CTIF: variants seen among roughly 807,000 people sequenced by gnomAD.
The protein encoded by CTIF is cap binding complex dependent translation initiation factor, also known as CBP80/20-dependent translation initiation factor.
A neutral mutation model predicts 66.0 loss-of-function variants in CTIF; 21 were observed. The ratio of observed to expected loss-of-function variants is 0.32; its 90% confidence interval spans 0.23 to 0.46. The LOEUF (loss-of-function observed/expected upper bound fraction) is 0.46, where lower values mean the gene tolerates loss of function less well. Ranked by LOEUF, CTIF falls within the 20% of genes least tolerant of loss-of-function variation. The pLI, the probability that CTIF is intolerant of heterozygous loss-of-function variation, is 1.00. For missense variants in CTIF, 739 were observed against 812.7 expected, an observed-to-expected ratio of 0.91 and a Z score of 1.10; for synonymous variants, 345 against 326.4, an observed-to-expected ratio of 1.06 and a Z score of -0.62.
intron 10 of CTIF, among the ~76,000 whole-genome samples, chr18:48,827,185 C>T (rs1238781516): frequency 1.3e-5 from 2 of 152,184 alleles, no homozygotes; most frequent in Admixed American, 6.5e-5. Flanking sequence ...AGCCAGAAAG[C>T]AACACCATGG....
At chr18:48,613,819 C>T (rs1419030517) in intron 1 of CTIF, among the ~76,000 whole-genome samples, 1 of 152,184 alleles carries the variant, frequency 6.6e-6, no homozygotes, top group Non-Finnish European at 1.5e-5. Context: ...CTGCTGCAGC[C>T]CGGGCCCTCT....
At chr18:48,667,645 C>T (rs892336989) in intron 5 of CTIF, among the ~76,000 whole-genome samples, 4 of 152,214 alleles carry the variant, frequency 2.6e-5, no homozygotes, top group Non-Finnish European at 5.9e-5. Flanking sequence ...CCCCTTATGC[C>T]GAGGGACTTT....
At chr18:48,821,752 G>A (rs2068487533) in intron 10 of CTIF, among the ~76,000 whole-genome samples, 1 of 152,210 alleles carries the variant, frequency 6.6e-6, no homozygotes, top group Admixed American at 6.5e-5. Flanking sequence ...TCCTTGCTCT[G>A]CTATTTACAA....
At chr18:48,845,064 C>T (rs1383856793) in intron 10 of CTIF, among the ~76,000 whole-genome samples, 1 of 151,964 alleles carries the variant, frequency 6.6e-6, no homozygotes, top group Admixed American at 6.6e-5. Flanking sequence ...CAGTGTCTTT[C>T]CCCTAGCATC....
rs1169295756 is a variant in CTIF at position 48,761,634 on chromosome 18, C to T, written c.1316C>T (p.Ala439Val). ...GCTGCCAAGCTCTGCGACAAGATGG[C>T]GCTCTTTATGGTGGAGGGGACCAAG... ...FTAAKLCDKM[A>V]LFMVEGTKFR... The change falls in exon 9 of 12, where the codon GCG becomes GTG. Residue 439 changes from alanine to valine, a missense_variant. Ala to Val is a moderately conservative substitution (Grantham distance 64, BLOSUM62 0). Around this residue, in one of 2 missense-constraint regions of CTIF, gnomAD observed 210 missense variants for 292.3 expected, o/e 0.72. Transcript: ENST00000256413. The surrounding 1 kb of genome is among the most constrained non-coding windows in gnomAD (Gnocchi z 4.2). 28 of 1,613,970 alleles carry T rather than the reference C, an allele frequency of 1.7e-5. No homozygotes were observed. The highest frequency in any genetic ancestry group is 2.2e-5 in the East Asian group (1 of 44,892).
At chr18:48,686,981 T>G (rs928197505) in intron 6 of CTIF, among the ~76,000 whole-genome samples, 1 of 152,184 alleles carries the variant, frequency 6.6e-6, no homozygotes, top group South Asian at 2.1e-4. Context: ...TTTGTATTCA[T>G]GAGAGAGCAG....
At chr18:48,559,363 C>G (rs371454289) in intron 1 of CTIF, among the ~76,000 whole-genome samples, 36 of 152,188 alleles carry the variant, frequency 2.4e-4, no homozygotes, top group African/African-American at 7.7e-4. Context: ...ACCACCCCCC[C>G]CAATCCTAAC....
intron 7 of CTIF, among the ~76,000 whole-genome samples, chr18:48,714,341 C>CA (rs1470228157): frequency 6.6e-6 from 1 of 152,148 alleles, no homozygotes; most frequent in Non-Finnish European, 1.5e-5. Flanking sequence ...ATTTGGTGGA[C>CA]AAAGGGCACA....
At chr18:48,683,385 C>T (rs573843571) in intron 6 of CTIF, among the ~76,000 whole-genome samples, 4 of 149,654 alleles carry the variant, frequency 2.7e-5, no homozygotes, top group East Asian at 2.1e-4. Flanking sequence ...ACTGTCCCTC[C>T]GAGCATCAGT....
intron 9 of CTIF, among the ~76,000 whole-genome samples, chr18:48,788,746 T>C (rs1239098559): frequency 6.6e-6 from 1 of 152,116 alleles, no homozygotes; most frequent in African/African-American, 2.4e-5. Flanking sequence ...ACAGGGAAAC[T>C]CAAGGGTCTC....
chr18:48,804,876 C>T (rs2068113170), intron 9 of CTIF, among the ~76,000 whole-genome samples: 1 of 152,166 alleles, frequency 6.6e-6, no homozygotes, highest in South Asian at 2.1e-4. Flanking sequence ...CCCTCACCGT[C>T]CAGTCCCCAG....
chr18:48,677,124 A>G (rs1023315712), intron 6 of CTIF, among the ~76,000 whole-genome samples: 1 of 152,126 alleles, frequency 6.6e-6, no homozygotes, highest in South Asian at 2.1e-4. Flanking sequence ...GCTGTTGCCA[A>G]GTCTTCTGGA....
rs148832219 is a variant in CTIF, at chr18:48,729,294, C to T, written c.584+17599C>T. Among the ~76,000 whole-genome samples, 864 of 152,310 alleles carry T rather than the reference C, an allele frequency of 5.7e-3. 5 individuals carry two copies. The highest frequency in any genetic ancestry group is 9.2e-3 in the Non-Finnish European group (626 of 68,030). ...CCCCCCACCACCACTACCACACACA[C>T]AGACACACACTCACACATGTAATTA... On this transcript the variant is annotated intron_variant, in intron 7 of 11. Coordinates refer to ENST00000256413, the MANE Select transcript of CTIF (RefSeq NM_014772.3).
chr18:48,556,270 C>T (rs1018731466), intron 1 of CTIF, among the ~76,000 whole-genome samples: 5 of 152,190 alleles, frequency 3.3e-5, no homozygotes, highest in Non-Finnish European at 4.4e-5. Context: ...GGAGTGGTAG[C>T]GAAGAATTCC....
chr18:48,593,307 T>A (rs2089925762), intron 1 of CTIF, among the ~76,000 whole-genome samples: 1 of 152,220 alleles, frequency 6.6e-6, no homozygotes, highest in Non-Finnish European at 1.5e-5. Context: ...AAGGACTTGG[T>A]TGAATTAAAG....
intron 1 of CTIF, among the ~76,000 whole-genome samples, chr18:48,571,938 G>C (rs1476465619): frequency 4.6e-5 from 7 of 152,204 alleles, no homozygotes; most frequent in Non-Finnish European, 1.5e-5. Context: ...GGGAATTCAA[G>C]TAAAAGTTGA....
Position 48,747,333 on chromosome 18 carries a change from A to G in CTIF, c.585-10586A>G, listed in dbSNP as rs552923360. On this transcript the variant is annotated intron_variant, in intron 7 of 11. Transcript: ENST00000256413. Reference sequence around the variant, plus strand: ...CATCTTCTGCCCCAGCAAGCTCCCCAGTAGGTTCCTGGCTAAGAAACTTGG... The same window carrying G: ...CATCTTCTGCCCCAGCAAGCTCCCCGGTAGGTTCCTGGCTAAGAAACTTGG... Among the ~76,000 whole-genome samples the G allele has an allele frequency of 1.7e-3, 265 of 152,328 alleles. 2 individuals are homozygous for G. Among genetic ancestry groups the G allele is most frequent in the Middle Eastern group, 3.4e-3 (1 of 294 alleles).
chr18:48,827,884 G>A (rs72913792), intron 10 of CTIF, among the ~76,000 whole-genome samples: 22,234 of 151,830 alleles, frequency 0.15, 1,683 homozygotes, highest in African/African-American at 0.19. Context: ...GGGTGACGCC[G>A]ACCTACCCAG....
chr18:48,691,986 A>C (rs943752723), intron 6 of CTIF, among the ~76,000 whole-genome samples: 2 of 152,164 alleles, frequency 1.3e-5, no homozygotes, highest in African/African-American at 4.8e-5. Context: ...GGTTCAAGCA[A>C]TTCTTGTGCT....
Sources: gnomAD v4.1 joint callset for allele counts (sites outside exome capture counted in the v4.1 genomes callset) on GRCh38, gnomAD v4.1.1 for gene constraint, gnomAD v4.1.1 regional missense constraint, Gnocchi (gnomAD v3.1) non-coding constraint, MANE v1.5 for transcripts, NCBI Gene and HGNC (gene_info 2026-07-23, HGNC 2026-07-21) for gene names.